Variants in LLGL1 observed in about 807,000 individuals in gnomAD.
The protein encoded by LLGL1 is LLGL scribble cell polarity complex component 1.
Under a neutral mutation model 110.6 loss-of-function variants are expected in LLGL1, and 58 were observed. The observed-to-expected ratio is 0.52, with a 90% CI of 0.42 to 0.65. The LOEUF (loss-of-function observed/expected upper bound fraction) is 0.65, where lower values mean the gene tolerates loss of function less well. Ranked by LOEUF, LLGL1 falls within the 30% of genes least tolerant of loss-of-function variation. The pLI, the probability that LLGL1 is intolerant of heterozygous loss-of-function variation, is 0.00. For missense variants in LLGL1, 1,229 were observed against 1,462.1 expected (o/e 0.84, Z 2.60); for synonymous variants, 674 against 607.2 (o/e 1.11, Z -1.62).
chr17:18,237,807 C>A, intron 14 of LLGL1, 34 bp downstream of exon 14: 1 of 1,573,596 alleles, frequency 6.4e-7, no homozygotes, highest in Non-Finnish European at 8.6e-7. Context: ...GCAGTTGGAG[C>A]CCCCAGCGAG....
At chr17:18,237,292 T>TC in intron 13 of LLGL1, 189 bp from the exon 14 acceptor site, 1 of 630,852 alleles carries the variant, frequency 1.6e-6, no homozygotes, top group Admixed American at 3.0e-5. Flanking sequence ...ACCACTGTGT[T>TC]CCTTGTGCTC....
rs34217595 is a variant in LLGL1 at position 18,238,632 on chromosome 17, G to A, written c.2206+23G>A. 3.2e-3 allele frequency: 5,088 copies of A among 1,601,726 alleles called. 19 individuals are homozygous for A. Among genetic ancestry groups the A allele is most frequent in the Non-Finnish European group, 4.0e-3 (4,643 of 1,174,860 alleles). On this transcript the variant is annotated intron_variant, in intron 16 of 22. Coordinates refer to ENST00000316843, the MANE Select transcript of LLGL1 (RefSeq NM_004140.4). ...ATGGTAAGGCAGGGGCAGGGGCAGG[G>A]ACAGGGCAAGGGTTGGGGGGGCTGG...
Position 18,237,593 on chromosome 17 carries a change from G to C in LLGL1, c.1724G>C (p.Ser575Thr), listed in dbSNP as rs771024336. ...GFTWKGHERLSPRTGPLPWPA... is the reference protein window; with the variant it reads ...GFTWKGHERLTPRTGPLPWPA... ...ACATGGAAGGGCCACGAGCGGCTGA[G>C]CCCACGCACGGGGCCGCTGCCCTGG... is the stretch of plus-strand genomic sequence containing the variant. The change falls in exon 14 of 23, where the codon AGC (serine) becomes ACC (threonine). Residue 575 changes from serine to threonine, a missense_variant. Transcript: ENST00000316843. The C allele has an allele frequency of 6.2e-7, 1 of 1,610,800 alleles. No individual in the cohort carries two copies. The highest frequency in any genetic ancestry group is 8.5e-7 in the Non-Finnish European group (1 of 1,179,648).
chr17:18,238,639 CA>C, intron 16 of LLGL1, 30 bp downstream of exon 16: 1 of 1,591,370 alleles, frequency 6.3e-7, no homozygotes. Context: ...AGGGACAGGG[CA>C]AGGGTTGGGG....
At chr17:18,230,586 TG>T (rs1386499720) in intron 2 of LLGL1, among the ~76,000 whole-genome samples, 2 of 18,554 alleles carry the variant, frequency 1.1e-4, no homozygotes, top group Non-Finnish European at 1.1e-4. Flanking sequence ...AGGCCTGGGG[TG>T]GGGGTGGGGG....
chr17:18,235,144 G>A lies in LLGL1; in HGVS notation c.1116G>A (p.Leu372=), dbSNP rs139625313. ...AVLLEEELVV[L]DLQTPGWPAV... ...TGCTGGAAGAGGAGCTGGTGGTGCT[G>A]GACCTGCAGACTCCTGGCTGGCCAG... The change falls in exon 10 of 23, where the codon CTG becomes CTA. Residue 372 remains leucine, a synonymous_variant. Transcript: ENST00000316843. The A allele has an allele frequency of 1.2e-6, 2 of 1,613,730 alleles. No homozygotes were observed. The highest frequency in any genetic ancestry group is 3.3e-5 in the Admixed American group (2 of 60,032).
chr17:18,229,106 C>T (rs2047513224), intron 1 of LLGL1, among the ~76,000 whole-genome samples: 1 of 152,182 alleles, frequency 6.6e-6, no homozygotes, highest in South Asian at 2.1e-4. Flanking sequence ...GGGTGTCCTG[C>T]ACTGGTGTTC....
In LLGL1 at chr17:18,235,288, C is replaced by A. The variant is rs184038029; in HGVS notation, c.1260C>A (p.Ser420Arg). 13 of 1,610,160 alleles carry A rather than the reference C, an allele frequency of 8.1e-6. No individual in the cohort carries two copies. ...ARIVSAGEQQ[S>R]PQPVSSALSW... ...TTGTGAGCGCTGGCGAGCAGCAGAGCCCCCAGCCTGTCTCCAGTGCCTTGG... is the reference window on the plus strand; with the variant it reads ...TTGTGAGCGCTGGCGAGCAGCAGAGACCCCAGCCTGTCTCCAGTGCCTTGG... Residue 420 changes from serine to arginine, a missense_variant, in exon 10 of 23, where the codon AGC becomes AGA. Physicochemically the swap from Ser to Arg is moderately radical, Grantham distance 110 (BLOSUM62 -1). Transcript: ENST00000316843.
chr17:18,237,151 G>A, intron 13 of LLGL1: 1 of 601,214 alleles, frequency 1.7e-6, no homozygotes, highest in Non-Finnish European at 3.0e-6. Context: ...ACTCATGTCA[G>A]TGCTGTGCTC....
rs776427082 is a variant in LLGL1, at chr17:18,232,788, C to A, written c.378C>A (p.Gly126=). ...ALSFQLPSRP[G]FDGASAPLSL... ...GTTTCCAGCTGCCCAGCCGGCCCGG[C>A]TTTGATGGTGCCAGGTACTGGAGAA... The change falls in exon 4 of 23, where the codon GGC becomes GGA. Residue 126 remains glycine (G), a synonymous_variant. Transcript: ENST00000316843. 1 of 1,613,970 alleles carries A rather than the reference C, an allele frequency of 6.2e-7. No homozygotes were observed. The highest frequency in any genetic ancestry group is 1.1e-5 in the South Asian group (1 of 91,080).
Position 18,242,212 on chromosome 17 carries a change from CCA to C in LLGL1, c.2930_2931del (p.Pro977GlnfsTer10). ...SPKLSQANGT[P>X]SILLAPQSLD... ...CAAGCTGAGCCAGGCTAACGGGACC[CCA>C]AGCATCCTGCTGGCCCCACAGAGCC... On this transcript the variant is annotated frameshift_variant, in exon 20 of 23. Coordinates refer to ENST00000316843, the MANE Select transcript of LLGL1 (RefSeq NM_004140.4). LOFTEE classifies it high-confidence loss of function. 6.2e-7 allele frequency: 1 copy of C among 1,614,122 alleles called. No individual in the cohort carries two copies. Among genetic ancestry groups the C allele is most frequent in the South Asian group, 1.1e-5 (1 of 91,086 alleles).
chr17:18,241,413 AG>A, intron 17 of LLGL1, 37 bp from the exon 18 acceptor site: 4 of 1,593,172 alleles, frequency 2.5e-6, no homozygotes, highest in South Asian at 1.1e-5. Context: ...GGACGAGGAC[AG>A]GGCCAGGCTT....
In LLGL1 at chr17:18,243,168, C is replaced by T. The variant is rs137958782; in HGVS notation, c.*1+346C>T. On this transcript the variant is annotated intron_variant, in intron 22 of 22. Coordinates refer to ENST00000316843, the MANE Select transcript of LLGL1 (RefSeq NM_004140.4). The stretch of plus-strand genomic sequence containing the variant: ...TGTCGCCCAGGCTGGAGTGCAGTGG[C>T]GTGATCTTGGCTCACTGCAACCTCT... Among the ~76,000 whole-genome samples, 1,023 of 152,242 alleles carry T rather than the reference C, an allele frequency of 6.7e-3. 13 individuals carry two copies. Among genetic ancestry groups the T allele is most frequent in the African/African-American group, 0.023 (952 of 41,538 alleles).
chr17:18,234,578 G>A lies in LLGL1; in HGVS notation c.851-71G>A, dbSNP rs2047647528. 10 of 1,599,908 alleles carry A rather than the reference G, an allele frequency of 6.3e-6. No homozygotes were observed. In the South Asian group the frequency reaches 8.8e-5, roughly 14 times the overall value. The stretch of plus-strand genomic sequence containing the variant: ...CAGCTGTAAGGTAGAGAGCAGTGGA[G>A]GGCAGAGCAGGAATGGCAGAATTGC... On this transcript the variant is annotated intron_variant, in intron 7 of 22. Coordinates refer to ENST00000316843, the MANE Select transcript of LLGL1 (RefSeq NM_004140.4).
chr17:18,236,801 CG>C (rs1567691635), intron 12 of LLGL1, 33 bp from the exon 13 acceptor site: 2 of 1,612,698 alleles, frequency 1.2e-6, no homozygotes, highest in South Asian at 2.2e-5. Context: ...GTCCTGACCC[CG>C]CCTGGACTCA....
In LLGL1 at chr17:18,237,602, C is replaced by T. The variant is rs772059315; in HGVS notation, c.1733C>T (p.Thr578Met). The T allele has an allele frequency of 1.3e-5, 21 of 1,610,860 alleles. No homozygotes were observed. Among genetic ancestry groups the T allele is most frequent in the Admixed American group, 8.3e-5 (5 of 59,966 alleles). ...GGCCACGAGCGGCTGAGCCCACGCA[C>T]GGGGCCGCTGCCCTGGCCTGCTGGC... is the stretch of plus-strand genomic sequence containing the variant. Reference protein sequence around the residue: ...WKGHERLSPRTGPLPWPAGFQ... With the variant: ...WKGHERLSPRMGPLPWPAGFQ... The change falls in exon 14 of 23, where the codon ACG becomes ATG. Residue 578 changes from threonine to methionine, a missense_variant. By Grantham distance (81) the Thr-to-Met change is moderately conservative (BLOSUM62 -1). Transcript: ENST00000316843.
chr17:18,241,398 C>G, intron 17 of LLGL1, 53 bp from the exon 18 acceptor site: 2 of 1,567,314 alleles, frequency 1.3e-6, no homozygotes, highest in Non-Finnish European at 1.7e-6. Context: ...GGTGAGGGGC[C>G]CTGGGGACGA....
chr17:18,237,384 G>A (rs1209265653), intron 13 of LLGL1, 97 bp from the exon 14 acceptor site: 13 of 1,236,002 alleles, frequency 1.1e-5, no homozygotes, highest in East Asian at 2.6e-5. Context: ...AACCACCTTG[G>A]TGGTGGCTGG....
At chr17:18,243,493 C>T (rs2047900935) in intron 22 of LLGL1, among the ~76,000 whole-genome samples, 1 of 152,240 alleles carries the variant, frequency 6.6e-6, no homozygotes, top group Non-Finnish European at 1.5e-5. Flanking sequence ...GATGAGATCA[C>T]TGAGGTGCAC....
Sources: allele counts gnomAD v4.1 joint callset (sites outside exome capture counted in the v4.1 genomes callset), GRCh38; gene constraint gnomAD v4.1.1; transcripts MANE v1.5; gene names NCBI Gene and HGNC (gene_info 2026-07-23, HGNC 2026-07-21).